MED13L: variants seen among roughly 807,000 people sequenced by gnomAD.
MED13L encodes mediator of RNA polymerase II transcription subunit 13-like.
Under a neutral mutation model 220.9 loss-of-function variants are expected in MED13L, and 7 were observed. The ratio of observed to expected loss-of-function variants is 0.03; its 90% CI spans 0.02 to 0.06. The LOEUF is 0.06. Among genes scored for constraint, MED13L ranks in the 10% least tolerant of loss-of-function variants. MED13L has a pLI of 1.00. For missense variants in MED13L, 1,965 were observed against 2,760.5 expected (o/e 0.71, Z 6.46); for synonymous variants, 1,011 against 1,015.2 (o/e 1.00, Z 0.08).
At chr12:116,244,159 G>C (rs949042568) in intron 1 of MED13L, among the ~76,000 whole-genome samples, 1 of 152,158 alleles carries the variant, frequency 6.6e-6, no homozygotes. Flanking sequence ...TTCCAAGTCG[G>C]CCTCACCTCA....
At chr12:116,192,601 T>C (rs528570593) in intron 2 of MED13L, among the ~76,000 whole-genome samples, 1 of 152,278 alleles carries the variant, frequency 6.6e-6, no homozygotes, top group South Asian at 2.1e-4. Flanking sequence ...CATAAATATG[T>C]CAAAGTCTTT....
intron 4 of MED13L, among the ~76,000 whole-genome samples, chr12:116,038,933 T>C (rs1214982068): frequency 6.6e-6 from 1 of 151,938 alleles, no homozygotes; most frequent in Non-Finnish European, 1.5e-5. Context: ...AAATTTACTA[T>C]ATGAAAGCTA....
intron 2 of MED13L, among the ~76,000 whole-genome samples, chr12:116,217,405 G>A (rs1427741161): frequency 1.3e-5 from 2 of 152,096 alleles, no homozygotes; most frequent in Non-Finnish European, 2.9e-5. Flanking sequence ...TGCAAATTTG[G>A]CTGTCTTGAG....
chr12:116,230,531 A>G, intron 2 of MED13L: 1 of 968,250 alleles, frequency 1.0e-6, no homozygotes, highest in Non-Finnish European at 1.2e-6. Flanking sequence ...AGAATTCCAT[A>G]CCTGAAAAAT....
rs560785373 is a variant in MED13L at position 116,008,372 on chromosome 12, C to T, written c.2012+29G>A. 1.4e-4 allele frequency: 222 copies of T among 1,583,334 alleles called. 1 individual carries two copies. The Middle Eastern group carries it at 1.6e-3, about 12-fold the overall frequency. ...AGGGAGCCCATGCCCTTCCGGTGGA[C>T]GGGTGGGTGGTGCAGAGAGCTGTCT... On this transcript the variant is annotated intron_variant, in intron 10 of 30. Transcript: ENST00000281928.
chr12:115,977,619 AG>A (rs1236350341), intron 23 of MED13L, among the ~76,000 whole-genome samples: 1 of 152,244 alleles, frequency 6.6e-6, no homozygotes, highest in Non-Finnish European at 1.5e-5. Flanking sequence ...TTATTTAGCC[AG>A]GAAAAGAAAT....
chr12:116,032,012 T>A (rs1301712157), intron 4 of MED13L, among the ~76,000 whole-genome samples: 1 of 151,796 alleles, frequency 6.6e-6, no homozygotes, highest in Non-Finnish European at 1.5e-5. Flanking sequence ...GAAAAATATA[T>A]CCCATTAGCA....
At chr12:116,092,859 C>T (rs891466657) in intron 4 of MED13L, among the ~76,000 whole-genome samples, 10 of 151,578 alleles carry the variant, frequency 6.6e-5, no homozygotes, top group Non-Finnish European at 1.3e-4. Context: ...GGAGTATCAC[C>T]CAAGAACAGA....
rs777694778 is a variant in MED13L at position 115,975,572 on chromosome 12, G to A, written c.5531C>T (p.Thr1844Ile). Residue 1844 changes from threonine (T) to isoleucine (I), a missense_variant, in exon 24 of 31, where the codon ACT becomes ATT. Transcript: ENST00000281928. ...CTCTAATAATTCCCCATGGAGGTCAGTGCAGGAAGCCAAAAGCCAGCGCTG... is the reference window on the plus strand; with the variant it reads ...CTCTAATAATTCCCCATGGAGGTCAATGCAGGAAGCCAAAAGCCAGCGCTG... ...HDQRWLLASC[T>I]DLHGELLETC... 1.2e-6 allele frequency: 2 copies of A among 1,614,172 alleles called. No individual in the cohort carries two copies. The highest frequency in any genetic ancestry group is 1.7e-4 in the Middle Eastern group (1 of 6,058).
chr12:116,092,640 A>G (rs543208320), intron 4 of MED13L, among the ~76,000 whole-genome samples: 1 of 152,348 alleles, frequency 6.6e-6, no homozygotes, highest in South Asian at 2.1e-4. Flanking sequence ...ACGTATTTAC[A>G]TTTCTTAAAT....
At chr12:116,219,469 T>A (rs1212101743) in intron 2 of MED13L, among the ~76,000 whole-genome samples, 1 of 152,196 alleles carries the variant, frequency 6.6e-6, no homozygotes, top group Non-Finnish European at 1.5e-5. Flanking sequence ...CTATACTCAA[T>A]TCATTAATTT....
At chr12:116,025,961 T>C (rs1880363876) in intron 4 of MED13L, among the ~76,000 whole-genome samples, 1 of 152,160 alleles carries the variant, frequency 6.6e-6, no homozygotes, top group South Asian at 2.1e-4. Flanking sequence ...CATCACTTTG[T>C]AGCTCATAAA....
At chr12:116,215,324 T>C (rs1425309172) in intron 2 of MED13L, among the ~76,000 whole-genome samples, 1 of 152,200 alleles carries the variant, frequency 6.6e-6, no homozygotes, top group Admixed American at 6.5e-5. Flanking sequence ...CTTGGAGAAA[T>C]CTGTTACTAC....
In MED13L at chr12:116,009,023, A is replaced by G; in HGVS notation, c.1390T>C (p.Ser464Pro). ...CTTTCTGCTGTTTTGTGCTTAGAAG[A>G]AGCAGGAGGTGGTAAAGATGAAGAT... ...SSSSSLPPPA[S>P]SKHKTAERQE... is the part of the protein sequence containing the mutation. Residue 464 changes from serine to proline, a missense_variant, in exon 10 of 31, where the codon TCT becomes CCT. Around this residue, in one of 10 missense-constraint regions of MED13L, gnomAD observed 818 missense variants for 1,041.2 expected, o/e 0.79. Coordinates refer to ENST00000281928, the MANE Select transcript of MED13L (RefSeq NM_015335.5). 1.9e-6 allele frequency: 3 copies of G among 1,614,074 alleles called. No individual in the cohort carries two copies. Among genetic ancestry groups the G allele is most frequent in the Non-Finnish European group, 2.5e-6 (3 of 1,180,004 alleles).
At chr12:116,091,192 A>G (rs1872176733) in intron 4 of MED13L, among the ~76,000 whole-genome samples, 1 of 151,964 alleles carries the variant, frequency 6.6e-6, no homozygotes, top group Non-Finnish European at 1.5e-5. Flanking sequence ...TTTAAAAAAC[A>G]AGGTATCTCT....
chr12:116,029,954 G>GTTTT (rs766741738), intron 4 of MED13L, among the ~76,000 whole-genome samples: 4 of 151,562 alleles, frequency 2.6e-5, no homozygotes, highest in African/African-American at 9.7e-5. Context: ...CTCTTTTTGG[G>GTTTT]TTTTTTGTTT....
At chr12:116,193,524 C>T (rs1219051691) in intron 2 of MED13L, among the ~76,000 whole-genome samples, 3 of 151,442 alleles carry the variant, frequency 2.0e-5, no homozygotes, top group South Asian at 2.1e-4. Context: ...AATTATTTTT[C>T]GGTATTTCCA....
chr12:116,050,331 A>G (rs546121509), intron 4 of MED13L, among the ~76,000 whole-genome samples: 12 of 152,296 alleles, frequency 7.9e-5, no homozygotes, highest in Middle Eastern at 3.4e-3. Flanking sequence ...CCAAAACTTT[A>G]CTGGACATGT....
At chr12:116,027,420 A>AAAACAAAC (rs530338836) in intron 4 of MED13L, among the ~76,000 whole-genome samples, 1 of 152,078 alleles carries the variant, frequency 6.6e-6, no homozygotes, top group African/African-American at 2.4e-5. Flanking sequence ...ACTCTGTCTC[A>AAAACAAAC]AAACAAACAA....
Sources: allele counts gnomAD v4.1 joint callset (sites outside exome capture counted in the v4.1 genomes callset), GRCh38; gene constraint gnomAD v4.1.1; regional missense constraint gnomAD v4.1.1; transcripts MANE v1.5; gene names NCBI Gene and HGNC (gene_info 2026-07-23, HGNC 2026-07-21).